The following TMPRSS11E variants were observed in gnomAD, a reference collection of about 807,000 sequenced individuals.
TMPRSS11E encodes transmembrane protease serine 11E.
TMPRSS11E carries 38 observed loss-of-function variants against 48.1 expected under a neutral mutation model. The ratio of observed to expected loss-of-function variants is 0.79; its 90% confidence interval spans 0.61 to 1.04. TMPRSS11E has a LOEUF of 1.04. Among genes scored for constraint, TMPRSS11E ranks in the 50% least tolerant of loss-of-function variants. The pLI, the probability that TMPRSS11E is intolerant of heterozygous loss-of-function variation, is 0.00. For synonymous variants in TMPRSS11E, 158 were observed against 171.9 expected (o/e 0.92, Z 0.63); for missense variants, 530 against 510.8 (o/e 1.04, Z -0.36).
chr4:68,477,969 A>G (rs1729279173), intron 8 of TMPRSS11E, among the ~76,000 whole-genome samples: 1 of 152,142 alleles, frequency 6.6e-6, no homozygotes, highest in African/African-American at 2.4e-5. Flanking sequence ...GAGAATCATA[A>G]AGCCACCATT....
At chr4:68,477,706 CA>C in intron 8 of TMPRSS11E, 78 bp downstream of exon 8, 2 of 1,530,580 alleles carry the variant, frequency 1.3e-6, no homozygotes, top group Middle Eastern at 1.7e-4. Context: ...GCCATTATGC[CA>C]AAATATGTTA....
rs1164456452 is a variant in TMPRSS11E at position 68,476,287 on chromosome 4, C to T, written c.556C>T (p.Leu186=). 4.3e-6 allele frequency: 7 copies of T among 1,613,988 alleles called. No homozygotes were observed. The highest frequency in any genetic ancestry group is 5.9e-6 in the Non-Finnish European group (7 of 1,179,974). ...HCCGTRRSKT[L]GQSLRIVGGT... ...CTGCGGAACACGAAGAAGTAAAACT[C>T]TAGGTCAGAGTCTCAGGATCGTTGG... The change falls in exon 7 of 10, where the codon CTA becomes TTA. Residue 186 remains leucine, a synonymous_variant. Transcript: ENST00000305363.
intron 9 of TMPRSS11E, among the ~76,000 whole-genome samples, chr4:68,493,952 T>A (rs1241738266): frequency 2.6e-5 from 4 of 152,190 alleles, no homozygotes; most frequent in Non-Finnish European, 4.4e-5. Flanking sequence ...TTGCCTTTCT[T>A]AAGACATATC....
In TMPRSS11E at chr4:68,449,234, C is replaced by G. The variant is rs1010055264; in HGVS notation, c.11+1711C>G. Among the ~76,000 whole-genome samples, 24 of 150,434 alleles carry G rather than the reference C, an allele frequency of 1.6e-4. 1 individual carries two copies. Among genetic ancestry groups the G allele is most frequent in the Admixed American group, 4.0e-4 (6 of 15,110 alleles). On this transcript the variant is annotated intron_variant, in intron 1 of 9. Transcript: ENST00000305363. ...CTCTTATTTTGGACTATTCTTTGAG[C>G]ATGAAGAGATCAACACATGAATTTT...
At chr4:68,474,643 G>A (rs1729159497) in intron 5 of TMPRSS11E, 80 bp from the exon 6 acceptor site, 3 of 1,313,026 alleles carry the variant, frequency 2.3e-6, no homozygotes, top group African/African-American at 3.0e-5. Flanking sequence ...AAATTAAGCA[G>A]CCTTTTAGTA....
chr4:68,483,810 T>C (rs1293134313), intron 9 of TMPRSS11E, among the ~76,000 whole-genome samples: 1 of 152,220 alleles, frequency 6.6e-6, no homozygotes, highest in African/African-American at 2.4e-5. Context: ...GATTTTTGTA[T>C]ATGGTGAAAG....
rs1382499621 is a variant in TMPRSS11E, at chr4:68,468,854, A to G, written c.259-25A>G. ...ATTTCAGAAAGTTGTTCTTGCTGAT[A>G]TATTTTGAATATTTTTACAAACAGG... On this transcript the variant is annotated intron_variant, in intron 3 of 9. Transcript: ENST00000305363. 5.5e-6 allele frequency: 8 copies of G among 1,455,624 alleles called. No homozygotes were observed. In the East Asian group the frequency reaches 6.8e-5, roughly 12 times the overall value. 90.2% of individuals were successfully genotyped at this position (1,455,624 alleles called of 1,614,324 possible). A position where few individuals can be genotyped will look rare whatever the true frequency, so the allele number is the denominator to read the frequency against.
At chr4:68,471,093 G>C (rs1729050976) in intron 4 of TMPRSS11E, among the ~76,000 whole-genome samples, 1 of 151,900 alleles carries the variant, frequency 6.6e-6, no homozygotes, top group Admixed American at 6.6e-5. Flanking sequence ...CACTATATGA[G>C]AGGCTGAATT....
chr4:68,466,878 C>G (rs1342854299), intron 3 of TMPRSS11E, 126 bp downstream of exon 3: 4 of 1,236,180 alleles, frequency 3.2e-6, no homozygotes, highest in Non-Finnish European at 4.6e-6. Flanking sequence ...GAAAAGAGGC[C>G]CTAACCCAAG....
intron 9 of TMPRSS11E, among the ~76,000 whole-genome samples, chr4:68,490,751 CTTTTTTTTTTT>C (rs1158277585): frequency 1.4e-5 from 1 of 69,328 alleles, no homozygotes; most frequent in Non-Finnish European, 2.5e-5. Context: ...TCAGCATATT[CTTTTTTTTTTT>C]TTTTTTTTTT....
chr4:68,483,162 C>G (rs1304768549), intron 9 of TMPRSS11E, among the ~76,000 whole-genome samples: 2 of 152,102 alleles, frequency 1.3e-5, no homozygotes, highest in Non-Finnish European at 2.9e-5. Context: ...CTGGCATTAA[C>G]TTAGCTCCTA....
intron 9 of TMPRSS11E, among the ~76,000 whole-genome samples, chr4:68,485,111 G>A (rs1729515024): frequency 6.6e-6 from 1 of 151,996 alleles, no homozygotes; most frequent in Non-Finnish European, 1.5e-5. Flanking sequence ...TTATTTTGAA[G>A]TATGTTCCTC....
intron 9 of TMPRSS11E, among the ~76,000 whole-genome samples, chr4:68,496,370 A>T (rs3792631): frequency 6.6e-6 from 1 of 151,708 alleles, no homozygotes; most frequent in Non-Finnish European, 1.5e-5. Context: ...TTAAGAGTAC[A>T]GTTCTTCAAA....
chr4:68,493,561 G>A (rs1560562564), intron 9 of TMPRSS11E, among the ~76,000 whole-genome samples: 1 of 152,020 alleles, frequency 6.6e-6, no homozygotes, highest in African/African-American at 2.4e-5. Flanking sequence ...CCACCTTCTG[G>A]ATTTAAGCTA....
At chr4:68,473,970 CTAA>C (rs202088337) in intron 5 of TMPRSS11E, among the ~76,000 whole-genome samples, 142,889 of 151,972 alleles carry the variant, frequency 0.94, 67,717 homozygotes, top group Non-Finnish European at 1. Context: ...AAAATTAACA[CTAA>C]TAATATTTTT....
At chr4:68,477,279 A>T (rs1729248264) in intron 7 of TMPRSS11E, 90 bp from the exon 8 acceptor site, 1 of 1,294,316 alleles carries the variant, frequency 7.7e-7, no homozygotes, top group South Asian at 1.5e-5. Flanking sequence ...AGAAAAAAAA[A>T]TCTACACCTG....
At position 68,476,478 on chromosome 4, in the gene TMPRSS11E, G is replaced by C. The variant is rs1295453950; in HGVS notation, c.707+40G>C. On this transcript the variant is annotated intron_variant, in intron 7 of 9. Transcript: ENST00000305363. ...TTGAGAATGATTGGGAGTGAACAAA[G>C]TGCACTGGGTTTTGGCAAGAAAATA... 2.6e-6 allele frequency: 4 copies of C among 1,547,404 alleles called. No individual in the cohort carries two copies. The African/African-American group carries it at 5.5e-5, about 21-fold the overall frequency.
intron 1 of TMPRSS11E, among the ~76,000 whole-genome samples, chr4:68,458,705 AG>A (rs1728704319): frequency 6.6e-6 from 1 of 152,228 alleles, no homozygotes; most frequent in Admixed American, 6.5e-5. Flanking sequence ...AAAATAAAAA[AG>A]TAACTAAGAA....
rs1459915931 is a variant in TMPRSS11E, at chr4:68,477,381, T to C, written c.720T>C (p.Pro240=). ...TTTTTCTCCCCAGATATAAGAACCC[T>C]GCCAGATGGACTGCTTCCTTTGGAG... ...AAHCFTTYKN[P]ARWTASFGVT... The change falls in exon 8 of 10, where the codon CCT becomes CCC. Residue 240 remains proline (P), a synonymous_variant. Coordinates refer to ENST00000305363, the MANE Select transcript of TMPRSS11E (RefSeq NM_014058.4). 5 of 1,613,414 alleles carry C rather than the reference T, an allele frequency of 3.1e-6. No homozygotes were observed. In the Admixed American group the frequency reaches 8.3e-5, roughly 27 times the overall value.
Sources: gnomAD v4.1 joint callset for allele counts (sites outside exome capture counted in the v4.1 genomes callset) on GRCh38, gnomAD v4.1.1 for gene constraint, MANE v1.5 for transcripts, NCBI Gene and HGNC (gene_info 2026-07-23, HGNC 2026-07-21) for gene names.